NOX5: variants seen among roughly 807,000 people sequenced by gnomAD.
The protein encoded by NOX5 is NADPH oxidase 5, also known as NADPH oxidase, EF-hand calcium binding domain 5.
A neutral mutation model predicts 85.7 loss-of-function variants in NOX5; 76 were observed. That is an observed-to-expected ratio of 0.89 (90% CI 0.74 to 1.07). NOX5 has a LOEUF of 1.07. NOX5 is among the 50% of genes least tolerant of loss of function. The probability of loss-of-function intolerance (pLI) is 0.00; values close to 1 mark genes in which losing one functional copy is unlikely to be tolerated. For synonymous variants in NOX5, 405 were observed against 401.4 expected (o/e 1.01, Z -0.11); for missense variants, 973 against 999.5 (o/e 0.97, Z 0.36).
Position 69,048,945 on chromosome 15 carries a change from G to A in NOX5, c.1900-14G>A. On this transcript the variant is annotated splice_polypyrimidine_tract_variant and intron_variant, in intron 13 of 15. Coordinates refer to ENST00000388866, the MANE Select transcript of NOX5 (RefSeq NM_024505.4). ...GGAGACCCAGCCTCTGAGCTGAAGG[G>A]CCTCTCTCCGTAGGTGGACTTTATC... is the stretch of plus-strand genomic sequence containing the variant. 6.2e-7 allele frequency: 1 copy of A among 1,602,178 alleles called. No individual in the cohort carries two copies. The highest frequency in any genetic ancestry group is 8.5e-7 in the Non-Finnish European group (1 of 1,173,162).
At chr15:69,025,013 A>G (rs1279327232) in intron 1 of NOX5, among the ~76,000 whole-genome samples, 1 of 152,216 alleles carries the variant, frequency 6.6e-6, no homozygotes, top group Non-Finnish European at 1.5e-5. Context: ...GTCTTTAAAA[A>G]TAAAATCAAT....
intron 5 of NOX5, among the ~76,000 whole-genome samples, chr15:69,034,636 G>T (rs745320761): frequency 6.6e-6 from 1 of 152,150 alleles, no homozygotes; most frequent in Non-Finnish European, 1.5e-5. Flanking sequence ...AGAGAACCCT[G>T]GTTAACCACT....
chr15:69,022,963 C>T, intron 1 of NOX5: 2 of 512,224 alleles, frequency 3.9e-6, no homozygotes, highest in South Asian at 2.9e-5. Flanking sequence ...CCTTGGTATT[C>T]CATCTTCAAG....
chr15:69,035,413 A>G lies in NOX5; in HGVS notation c.915A>G (p.Leu305=), dbSNP rs141118221. ...WLRATWLAQV[L]PLDQNIQFHQ... is the part of the protein sequence containing the mutation. ...GGGCCACGTGGCTGGCTCAAGTCCTACCACTGGACCAGAACATCCAGTTCC... is the reference window on the plus strand; with the variant it reads ...GGGCCACGTGGCTGGCTCAAGTCCTGCCACTGGACCAGAACATCCAGTTCC... Residue 305 remains leucine (L), a synonymous_variant, in exon 6 of 16, where the codon CTA becomes CTG. Coordinates refer to ENST00000388866, the MANE Select transcript of NOX5 (RefSeq NM_024505.4). The G allele has an allele frequency of 8.6e-5, 139 of 1,614,080 alleles. No individual in the cohort carries two copies. Among genetic ancestry groups the G allele is most frequent in the Non-Finnish European group, 1.1e-4 (135 of 1,180,042 alleles).
chr15:69,036,621 C>A (rs896440945), intron 7 of NOX5, among the ~76,000 whole-genome samples: 5 of 152,254 alleles, frequency 3.3e-5, no homozygotes, highest in Middle Eastern at 3.4e-3. Flanking sequence ...AATGAAATTG[C>A]CCAAGATCAC....
intron 15 of NOX5, 128 bp from the exon 16 acceptor site, chr15:69,056,437 C>T: frequency 8.3e-7 from 1 of 1,199,158 alleles, no homozygotes; most frequent in Non-Finnish European, 1.2e-6. Flanking sequence ...CATGCAGCTC[C>T]CTGTGTAAAA....
intron 1 of NOX5, among the ~76,000 whole-genome samples, chr15:69,024,484 T>A (rs1238840943): frequency 1.3e-5 from 2 of 152,094 alleles, no homozygotes; most frequent in African/African-American, 4.8e-5. Context: ...ACGCTGCCCA[T>A]CCCTCAGTCA....
At chr15:69,046,691 T>C in intron 10 of NOX5, 131 bp from the exon 11 acceptor site, 1 of 771,726 alleles carries the variant, frequency 1.3e-6, no homozygotes, top group Non-Finnish European at 2.1e-6. Flanking sequence ...TCGTGTTCCC[T>C]GAATGGTTTG....
At chr15:69,045,605 T>G (rs1326138672) in intron 10 of NOX5, among the ~76,000 whole-genome samples, 1 of 130,228 alleles carries the variant, frequency 7.7e-6, no homozygotes, top group Non-Finnish European at 1.6e-5. Flanking sequence ...TTTCTTTTTT[T>G]TTTCTCTCTC....
Position 69,033,125 on chromosome 15 carries a change from C to T in NOX5, c.703C>T (p.His235Tyr), listed in dbSNP as rs1347033652. 6.4e-7 allele frequency: 1 copy of T among 1,562,710 alleles called. No homozygotes were observed. Among genetic ancestry groups the T allele is most frequent in the East Asian group, 2.3e-5 (1 of 43,226 alleles). ...RQLTRAYWHN[H>Y]RSQLFCLATY... ...GCTGACCCGCGCCTACTGGCACAACCACCGCAGCCAGCTGTTCTGCCTGGC... is the reference window on the plus strand; with the variant it reads ...GCTGACCCGCGCCTACTGGCACAACTACCGCAGCCAGCTGTTCTGCCTGGC... Residue 235 changes from histidine to tyrosine, a missense_variant, in exon 5 of 16, where the codon CAC (histidine) becomes TAC (tyrosine). Physicochemically the swap from His to Tyr is moderately conservative, Grantham distance 83. Coordinates refer to ENST00000388866, the MANE Select transcript of NOX5 (RefSeq NM_024505.4).
At chr15:69,040,721 C>T (rs2050583771) in intron 9 of NOX5, among the ~76,000 whole-genome samples, 1 of 151,874 alleles carries the variant, frequency 6.6e-6, no homozygotes, top group Non-Finnish European at 1.5e-5. Context: ...GAGTCTCATT[C>T]TGTCACCCAA....
intron 4 of NOX5, 23 bp from the exon 5 acceptor site, chr15:69,033,020 A>AG: frequency 6.5e-7 from 1 of 1,532,710 alleles, no homozygotes; most frequent in Non-Finnish European, 8.6e-7. Context: ...CTCGCCTCTG[A>AG]GCGGAACCCG....
At position 69,037,009 on chromosome 15, in the gene NOX5, G is replaced by GC. The variant is rs34822351; in HGVS notation, c.1189-12dup. ...AGGCCTTGAGCTCTGGAAGTTGACT[G>GC]CCCCCCCTACCCCCATAGGTGTTCT... On this transcript the variant is annotated intron_variant, in intron 7 of 15. Transcript: ENST00000388866. 8.4e-5 allele frequency: 135 copies of GC among 1,609,002 alleles called. 1 individual carries two copies. The highest frequency in any genetic ancestry group is 9.9e-5 in the South Asian group (9 of 90,688).
rs768713127 is a variant in NOX5 at position 69,060,809 on chromosome 15, G to A, written c.*4113G>A. 6.6e-6 allele frequency: 1 copy of A among 152,230 alleles called. No individual in the cohort carries two copies. Among genetic ancestry groups the A allele is most frequent in the Non-Finnish European group, 1.5e-5 (1 of 68,040 alleles). The allele number at this position is 152,230 out of a possible 1,614,324, so 9.4% of individuals were successfully genotyped here. A position where few individuals can be genotyped will look rare whatever the true frequency, so the allele number is the denominator to read the frequency against. ...ATAAATAGATAAAAATACACGGAAA[G>A]ACAGTTAGAAGCCAGCCTTAATCTG... is the stretch of plus-strand genomic sequence containing the variant. On this transcript the variant is annotated 3_prime_UTR_variant, in exon 16 of 16. Transcript: ENST00000388866.
At chr15:69,034,748 T>C (rs1385450630) in intron 5 of NOX5, among the ~76,000 whole-genome samples, 2 of 152,170 alleles carry the variant, frequency 1.3e-5, no homozygotes, top group Non-Finnish European at 2.9e-5. Context: ...ATATTTTATT[T>C]ATTTATTTAT....
rs1260291596 is a variant in NOX5 at position 69,055,417 on chromosome 15, G to A, written c.2083G>A (p.Asp695Asn). ...GGCCATTGGCCTGCAGATGGCCCTT[G>A]ACCTCCTGGCCAACAAGGAGAAGAA... ...MKAIGLQMAL[D>N]LLANKEKKDS... The change falls in exon 15 of 16, where the codon GAC becomes AAC. Residue 695 changes from aspartate to asparagine, a missense_variant. Coordinates refer to ENST00000388866, the MANE Select transcript of NOX5 (RefSeq NM_024505.4). 6.2e-7 allele frequency: 1 copy of A among 1,614,204 alleles called. No homozygotes were observed. The highest frequency in any genetic ancestry group is 8.5e-7 in the Non-Finnish European group (1 of 1,180,036).
At chr15:69,047,595 C>G (rs1368874230) in intron 12 of NOX5, 58 bp downstream of exon 12, 4 of 1,571,532 alleles carry the variant, frequency 2.5e-6, no homozygotes, top group Non-Finnish European at 3.5e-6. Context: ...GGCGCCCTCC[C>G]TGCTCCTCCT....
intron 1 of NOX5, chr15:69,023,540 A>T (rs2050320662): frequency 6.8e-6 from 2 of 295,082 alleles, no homozygotes; most frequent in African/African-American, 4.6e-5. Flanking sequence ...TGTGTCGGTC[A>T]TAGAGCTCTT....
intron 1 of NOX5, 143 bp from the exon 2 acceptor site, chr15:69,026,385 C>A: frequency 1.1e-6 from 1 of 950,612 alleles, no homozygotes; most frequent in Non-Finnish European, 1.5e-6. Flanking sequence ...AGCTCCAATC[C>A]ACAGCCAGAA....
Sources: gnomAD v4.1 joint callset for allele counts (sites outside exome capture counted in the v4.1 genomes callset) on GRCh38, gnomAD v4.1.1 for gene constraint, MANE v1.5 for transcripts, NCBI Gene and HGNC (gene_info 2026-07-23, HGNC 2026-07-21) for gene names.